IRAK4: variants seen among roughly 807,000 people sequenced by gnomAD.
IRAK4 encodes interleukin-1 receptor-associated kinase 4.
Under a neutral mutation model 51.8 loss-of-function variants are expected in IRAK4, and 44 were observed. That is an observed-to-expected ratio of 0.85 (90% CI 0.67 to 1.09). IRAK4 has a LOEUF of 1.09. IRAK4 is among the 50% of genes least tolerant of loss of function. The pLI, the probability that IRAK4 is intolerant of heterozygous loss-of-function variation, is 0.00. For missense variants in IRAK4, 487 were observed against 538.0 expected (o/e 0.91, Z 0.94); for synonymous variants, 149 against 174.1 (o/e 0.86, Z 1.13).
chr12:43,771,478 T>C (rs1398115235), intron 3 of IRAK4, 113 bp downstream of exon 3: 2 of 1,110,704 alleles, frequency 1.8e-6, no homozygotes, highest in Admixed American at 1.9e-5. Context: ...AGCTTACATT[T>C]GAGAGTCCCT....
At position 43,771,334 on chromosome 12, in the gene IRAK4, A is replaced by T; in HGVS notation, c.276A>T (p.Glu92Asp). ...TTGTGGATCTTTTGATCCAAAATGA[A>T]TTTTTTGCTCCTGCGAGTCTTTTGC... Reference protein sequence around the residue: ...GDLVDLLIQNEFFAPASLLLP... With the variant: ...GDLVDLLIQNDFFAPASLLLP... The change falls in exon 3 of 12, where the codon GAA (glutamate) becomes GAT (aspartate). Residue 92 changes from glutamate to aspartate, a missense_variant. Physicochemically the swap from Glu to Asp is conservative, Grantham distance 45. Coordinates refer to ENST00000613694, the MANE Select transcript of IRAK4 (RefSeq NM_016123.4). 1 of 1,614,124 alleles carries T rather than the reference A, an allele frequency of 6.2e-7. No individual in the cohort carries two copies. The highest frequency in any genetic ancestry group is 1.3e-5 in the African/African-American group (1 of 75,028).
chr12:43,781,863 A>G (rs1941803919), intron 8 of IRAK4, among the ~76,000 whole-genome samples: 1 of 152,220 alleles, frequency 6.6e-6, no homozygotes. Context: ...AAGAATAAAG[A>G]AATTCATAAT....
chr12:43,773,457 A>G (rs1940982701), intron 5 of IRAK4, among the ~76,000 whole-genome samples: 1 of 152,200 alleles, frequency 6.6e-6, no homozygotes, highest in Admixed American at 6.5e-5. Flanking sequence ...GTATACATTA[A>G]GAAAAAACAT....
chr12:43,761,868 G>C (rs892855197), intron 1 of IRAK4, among the ~76,000 whole-genome samples: 2 of 152,136 alleles, frequency 1.3e-5, no homozygotes, highest in African/African-American at 2.4e-5. Context: ...TGTCTGAATT[G>C]TCTTACTTGA....
rs551502741 is a variant in IRAK4 at position 43,780,896 on chromosome 12, T to C, written c.942-1411T>C. ...CTCTCTGTATGTTTTTGCTGAGTGATATTATGTTAATTTTAACTGCTACTT... is the reference window on the plus strand; with the variant it reads ...CTCTCTGTATGTTTTTGCTGAGTGACATTATGTTAATTTTAACTGCTACTT... On this transcript the variant is annotated intron_variant, in intron 8 of 11. Transcript: ENST00000613694. Among the ~76,000 whole-genome samples the C allele has an allele frequency of 2.6e-5, 4 of 152,292 alleles. No individual in the cohort carries two copies. In the South Asian group the frequency reaches 6.2e-4, roughly 24 times the overall value.
chr12:43,768,650 GTGTGAATCTC>G (rs1293844688), intron 2 of IRAK4: 2 of 180,926 alleles, frequency 1.1e-5, no homozygotes, highest in East Asian at 2.9e-4. Flanking sequence ...ATTTCAAAGT[GTGTGAATCTC>G]TAACACACTC....
chr12:43,770,757 A>G (rs1407103494), intron 2 of IRAK4, among the ~76,000 whole-genome samples: 1 of 152,122 alleles, frequency 6.6e-6, no homozygotes, highest in Non-Finnish European at 1.5e-5. Flanking sequence ...TATAAATGCT[A>G]TTGTTTGAAT....
At chr12:43,781,982 G>A (rs1336523265) in intron 8 of IRAK4, among the ~76,000 whole-genome samples, 1 of 152,164 alleles carries the variant, frequency 6.6e-6, no homozygotes, top group African/African-American at 2.4e-5. Flanking sequence ...TATAATAAAT[G>A]ATTTGTGGAA....
rs1940716536 is a variant in IRAK4 at position 43,771,157 on chromosome 12, A to G, written c.162-63A>G. 5.9e-6 allele frequency: 8 copies of G among 1,353,640 alleles called. No homozygotes were observed. The South Asian group carries it at 9.5e-5, about 16-fold the overall frequency. 83.9% of individuals were successfully genotyped at this position (1,353,640 alleles called of 1,614,324 possible). A position where few individuals can be genotyped will look rare whatever the true frequency, so the allele number is the denominator to read the frequency against. On this transcript the variant is annotated intron_variant, in intron 2 of 11. Coordinates refer to ENST00000613694, the MANE Select transcript of IRAK4 (RefSeq NM_016123.4). ...ATTACCCTGTCTGTGGTATTCTATT[A>G]TTGCAGCACAAAATGGACTAAGACA...
At chr12:43,760,171 C>T (rs542053956) in intron 1 of IRAK4, among the ~76,000 whole-genome samples, 3 of 147,992 alleles carry the variant, frequency 2.0e-5, no homozygotes, top group Non-Finnish European at 4.4e-5. Context: ...CCTTCTCTAT[C>T]TCAGTAAATA....
At chr12:43,771,604 G>A (rs1940771765) in intron 3 of IRAK4, among the ~76,000 whole-genome samples, 1 of 152,188 alleles carries the variant, frequency 6.6e-6, no homozygotes, top group Admixed American at 6.5e-5. Context: ...CCAACAGGAA[G>A]TTTAGAAGGA....
intron 2 of IRAK4, among the ~76,000 whole-genome samples, chr12:43,770,659 T>C (rs1231789597): frequency 6.6e-6 from 1 of 152,228 alleles, no homozygotes; most frequent in Non-Finnish European, 1.5e-5. Context: ...GCTGGTTCTC[T>C]TGTTGTCCCT....
intron 9 of IRAK4, 48 bp downstream of exon 9, chr12:43,782,538 T>G: frequency 6.9e-7 from 1 of 1,451,470 alleles, no homozygotes; most frequent in Non-Finnish European, 9.6e-7. Flanking sequence ...CTGCTATAAT[T>G]GTGAAAATGA....
Position 43,772,978 on chromosome 12 carries a change from C to G in IRAK4, c.557C>G (p.Ser186Cys). 6.2e-7 allele frequency: 1 copy of G among 1,611,484 alleles called. No homozygotes were observed. Among genetic ancestry groups the G allele is most frequent in the African/African-American group, 1.3e-5 (1 of 74,952 alleles). The change falls in exon 5 of 12, where the codon TCT becomes TGT. Residue 186 changes from serine (S) to cysteine (C), a missense_variant. Coordinates refer to ENST00000613694, the MANE Select transcript of IRAK4 (RefSeq NM_016123.4). ...VTNNFDERPI[S>C]VGGNKMGEGG... The stretch of plus-strand genomic sequence containing the variant: ...AATAACTTTGATGAACGACCCATTT[C>G]TGTTGGTGGTAATAAAATGGGAGAG...
intron 1 of IRAK4, among the ~76,000 whole-genome samples, chr12:43,762,572 ATGT>A (rs983640496): frequency 3.9e-5 from 6 of 152,212 alleles, no homozygotes; most frequent in Non-Finnish European, 8.8e-5. Context: ...TTCAACACAA[ATGT>A]TGTGAGTCGT....
At chr12:43,765,124 C>T (rs1036474936) in intron 1 of IRAK4, among the ~76,000 whole-genome samples, 3 of 152,212 alleles carry the variant, frequency 2.0e-5, no homozygotes, top group African/African-American at 7.2e-5. Context: ...CCATTGAAAG[C>T]TCTGCTCGCA....
rs142129930 is a variant in IRAK4 at position 43,766,132 on chromosome 12, T to G, written c.-9-1971T>G. On this transcript the variant is annotated intron_variant, in intron 1 of 11. Transcript: ENST00000613694. Reference sequence around the variant, plus strand: ...TCCTAAAGTGGCTCTCCTGTAACTTTTAGTTTATAAGTTCAAACTCTTTGT... The same window carrying G: ...TCCTAAAGTGGCTCTCCTGTAACTTGTAGTTTATAAGTTCAAACTCTTTGT... Among the ~76,000 whole-genome samples the G allele has an allele frequency of 1.6e-4, 24 of 152,336 alleles. No individual in the cohort carries two copies. The East Asian group carries it at 4.6e-3, about 29-fold the overall frequency.
intron 1 of IRAK4, among the ~76,000 whole-genome samples, chr12:43,761,174 T>C (rs1018137700): frequency 2.6e-5 from 4 of 152,346 alleles, no homozygotes; most frequent in Admixed American, 2.0e-4. Context: ...ATAATGATGA[T>C]GTTAAAGTAT....
In IRAK4 at chr12:43,764,905, G is replaced by A. The variant is rs185548841; in HGVS notation, c.-9-3198G>A. On this transcript the variant is annotated intron_variant, in intron 1 of 11. Transcript: ENST00000613694. ...CATTCTTTTTCCCTCCAGAAAGTCA[G>A]CAAGCAAAATACCTTGAGCATCCCA... is the stretch of plus-strand genomic sequence containing the variant. 7.9e-5 allele frequency among the ~76,000 whole-genome samples: 12 copies of A among 152,324 alleles called. No individual in the cohort carries two copies. In the East Asian group the frequency reaches 2.1e-3, roughly 27 times the overall value.
Sources: gnomAD v4.1 joint callset for allele counts (sites outside exome capture counted in the v4.1 genomes callset) on GRCh38, gnomAD v4.1.1 for gene constraint, MANE v1.5 for transcripts, NCBI Gene and HGNC (gene_info 2026-07-23, HGNC 2026-07-21) for gene names.